Variants in NRG1 observed in about 807,000 individuals in gnomAD.
The protein encoded by NRG1 is pro-neuregulin-1, membrane-bound isoform.
NRG1 carries 18 observed loss-of-function variants against 63.8 expected under a neutral mutation model. The ratio of observed to expected loss-of-function variants is 0.28; its 90% CI spans 0.19 to 0.42. The LOEUF (loss-of-function observed/expected upper bound fraction) is 0.42. Ranked by LOEUF, NRG1 falls within the 10% of genes least tolerant of loss-of-function variation. The probability of loss-of-function intolerance (pLI) is 1.00; values close to 1 mark genes in which losing one functional copy is unlikely to be tolerated. For synonymous variants in NRG1, 302 were observed against 301.3 expected (o/e 1.00, Z -0.02); for missense variants, 762 against 814.7 (o/e 0.94, Z 0.79).
intron 5 of NRG1, among the ~76,000 whole-genome samples, chr8:32,659,576 T>C (rs909119263): frequency 1.1e-4 from 16 of 152,212 alleles, no homozygotes; most frequent in Non-Finnish European, 1.9e-4. Context: ...CCTTATGATT[T>C]ATAAAGCACA....
At chr8:32,761,388 A>G (rs374193747) in intron 11 of NRG1, among the ~76,000 whole-genome samples, 11 of 152,078 alleles carry the variant, frequency 7.2e-5, no homozygotes, top group South Asian at 4.1e-4. Context: ...ACTTTGATAG[A>G]GTCTTTCCAC....
rs370266030 is a variant in NRG1, at chr8:32,125,543, A to G, written c.38-470285A>G. Among the ~76,000 whole-genome samples the G allele has an allele frequency of 7.9e-5, 12 of 151,932 alleles. No homozygotes were observed. The East Asian group carries it at 1.4e-3, about 17-fold the overall frequency. On this transcript the variant is annotated intron_variant, in intron 1 of 10. Coordinates refer to the NRG1 transcript ENST00000519301. ...CTATCCTACTCAAAAATCTGCAACA[A>G]TCTACCACGAAAAATCAATTCTAAA...
chr8:32,772,703 C>A (rs890194864), downstream of NRG1, among the ~76,000 whole-genome samples: 8 of 152,196 alleles, frequency 5.3e-5, no homozygotes, highest in African/African-American at 1.2e-4. Context: ...CTAAAGTGAA[C>A]TTTTCATCTT....
chr8:31,861,145 T>G (rs1240377022), intron 1 of NRG1, among the ~76,000 whole-genome samples: 1 of 152,120 alleles, frequency 6.6e-6, no homozygotes, highest in Non-Finnish European at 1.5e-5. Context: ...AGTTAGAAAT[T>G]GCTGAGATAA....
chr8:32,102,318 T>A (rs1830681167), intron 1 of NRG1, among the ~76,000 whole-genome samples: 1 of 152,038 alleles, frequency 6.6e-6, no homozygotes, highest in South Asian at 2.1e-4. Context: ...TTGTATGTTT[T>A]GTAGAGTTGG....
intron 3 of NRG1, among the ~76,000 whole-genome samples, chr8:32,607,165 C>A (rs1845418567): frequency 6.6e-6 from 1 of 152,114 alleles, no homozygotes; most frequent in Non-Finnish European, 1.5e-5. Context: ...TATAGCATCA[C>A]TTTATTTTTT....
intron 5 of NRG1, among the ~76,000 whole-genome samples, chr8:32,658,251 G>T (rs1017621503): frequency 6.6e-6 from 1 of 152,128 alleles, no homozygotes; most frequent in African/African-American, 2.4e-5. Context: ...CTTCAAGATT[G>T]CTGAGTTTTC....
chr8:32,441,295 T>C (rs1819510270), intron 1 of NRG1: 1 of 152,116 alleles, frequency 6.6e-6, no homozygotes, highest in Non-Finnish European at 1.5e-5. Context: ...GTTTGTACCA[T>C]CTCCGTGGTA....
chr8:32,173,025 G>C (rs1330829069), intron 1 of NRG1, among the ~76,000 whole-genome samples: 3 of 151,598 alleles, frequency 2.0e-5, no homozygotes, highest in South Asian at 4.2e-4. Context: ...GCAACTCCAA[G>C]ACACATAATT....
At chr8:32,358,591 G>C (rs187112929) in intron 1 of NRG1, among the ~76,000 whole-genome samples, 12 of 152,188 alleles carry the variant, frequency 7.9e-5, no homozygotes, top group Non-Finnish European at 1.3e-4. Context: ...AGAAGTACAG[G>C]AATTAAGAAG....
intron 1 of NRG1, among the ~76,000 whole-genome samples, chr8:31,831,825 T>C (rs2129605960): frequency 6.6e-6 from 1 of 152,300 alleles, no homozygotes; most frequent in Non-Finnish European, 1.5e-5. Context: ...CCCTGTACAT[T>C]AGTGAGGGAC....
At chr8:32,105,262 C>T (rs765924764) in intron 1 of NRG1, among the ~76,000 whole-genome samples, 22 of 152,108 alleles carry the variant, frequency 1.4e-4, no homozygotes, top group Non-Finnish European at 1.8e-4. Flanking sequence ...TTCGTTTTCA[C>T]GCTGCTGATA....
At chr8:31,994,653 C>CAAAAAAAAAAAAAAAAAAAAAAAAA (rs59019886) in intron 1 of NRG1, among the ~76,000 whole-genome samples, 1 of 62,334 alleles carries the variant, frequency 1.6e-5, no homozygotes. Context: ...TACTCTGTCT[C>CAAAAAAAAAAAAAAAAAAAAAAAAA]AAAAAAAAAA....
intron 1 of NRG1, among the ~76,000 whole-genome samples, chr8:32,496,446 T>G (rs1827203725): frequency 1.3e-5 from 2 of 152,074 alleles, no homozygotes; most frequent in Non-Finnish European, 2.9e-5. Context: ...AAAAATTAAC[T>G]GGGCATGGCG....
intron 1 of NRG1, among the ~76,000 whole-genome samples, chr8:32,153,268 A>C (rs1451017590): frequency 6.6e-6 from 1 of 152,194 alleles, no homozygotes; most frequent in African/African-American, 2.4e-5. Context: ...CAATCCCAGG[A>C]GGTCCATACT....
chr8:32,401,730 G>A (rs4733328), intron 1 of NRG1, among the ~76,000 whole-genome samples: 129,061 of 152,082 alleles, frequency 0.85, 54,901 homozygotes, highest in Middle Eastern at 0.91. Context: ...ACTGGGGTCT[G>A]CTGAGGGCAG....
At chr8:32,101,306 G>C (rs559844367) in intron 1 of NRG1, among the ~76,000 whole-genome samples, 2 of 152,206 alleles carry the variant, frequency 1.3e-5, no homozygotes, top group South Asian at 4.1e-4. Context: ...CTCAGTGGAA[G>C]AGTTTCAAGG....
chr8:32,192,820 C>T (rs550480766), intron 1 of NRG1, among the ~76,000 whole-genome samples: 33 of 152,134 alleles, frequency 2.2e-4, no homozygotes, highest in African/African-American at 7.7e-4. Flanking sequence ...AGTGCCCCAC[C>T]CTGAATTGTA....
intron 1 of NRG1, among the ~76,000 whole-genome samples, chr8:32,025,686 G>C (rs1315922987): frequency 6.6e-6 from 1 of 151,698 alleles, no homozygotes; most frequent in Non-Finnish European, 1.5e-5. Context: ...AGTGGCTCAC[G>C]CCTGTAATCC....
Sources: allele counts gnomAD v4.1 joint callset (sites outside exome capture counted in the v4.1 genomes callset), GRCh38; gene constraint gnomAD v4.1.1; transcripts MANE v1.5; gene names NCBI Gene and HGNC (gene_info 2026-07-23, HGNC 2026-07-21).